The following PRLR variants were observed in gnomAD, a reference collection of about 807,000 sequenced individuals.
PRLR encodes the protein prolactin receptor, also known as hPRL receptor.
PRLR carries 13 observed loss-of-function variants against 40.2 expected under a neutral mutation model. The observed-to-expected ratio is 0.32, with a 90% confidence interval of 0.21 to 0.51. The LOEUF (loss-of-function observed/expected upper bound fraction) is 0.51, where lower values mean the gene tolerates loss of function less well. Among genes scored for constraint, PRLR ranks in the 20% least tolerant of loss-of-function variants. The probability of loss-of-function intolerance (pLI) is 0.97; values close to 1 mark genes in which losing one functional copy is unlikely to be tolerated. For synonymous variants in PRLR, 269 were observed against 278.7 expected (o/e 0.97, Z 0.35); for missense variants, 656 against 747.3 (o/e 0.88, Z 1.42).
At chr5:35,180,587 C>CAA (rs1775269546) in intron 1 of PRLR, among the ~76,000 whole-genome samples, 1 of 151,818 alleles carries the variant, frequency 6.6e-6, no homozygotes, top group Non-Finnish European at 1.5e-5. Context: ...TCTTTTCCCC[C>CAA]CTTTTTTTTT....
At chr5:35,165,854 C>T (rs1006585560) in intron 1 of PRLR, among the ~76,000 whole-genome samples, 1 of 152,148 alleles carries the variant, frequency 6.6e-6, no homozygotes, top group Non-Finnish European at 1.5e-5. Flanking sequence ...GAACTGAATT[C>T]TGCTGGTGAA....
chr5:35,205,825 T>A (rs1057342675), intron 1 of PRLR, among the ~76,000 whole-genome samples: 2 of 152,162 alleles, frequency 1.3e-5, no homozygotes, highest in East Asian at 3.9e-4. Flanking sequence ...CTAGGACATG[T>A]CATTCTGCCC....
At chr5:35,101,826 TTATA>T (rs1239412508) in intron 2 of PRLR, among the ~76,000 whole-genome samples, 1 of 147,602 alleles carries the variant, frequency 6.8e-6, no homozygotes, top group African/African-American at 2.5e-5. Context: ...GTTTTATATA[TTATA>T]TATATATATA....
intron 1 of PRLR, among the ~76,000 whole-genome samples, chr5:35,215,866 T>TAA (rs1212093418): frequency 3.4e-3 from 301 of 88,868 alleles, no homozygotes; most frequent in African/African-American, 8.9e-3. Context: ...CTGTCTCTAC[T>TAA]AAAAAAAAAA....
At chr5:35,116,391 T>C (rs1773024902) in intron 2 of PRLR, among the ~76,000 whole-genome samples, 1 of 152,164 alleles carries the variant, frequency 6.6e-6, no homozygotes, top group Non-Finnish European at 1.5e-5. Context: ...TAAAATTATA[T>C]AAAGTGAAGT....
In PRLR at chr5:35,065,216, G is replaced by T. The variant is rs144023675; in HGVS notation, c.1742C>A (p.Pro581Gln). 1.2e-6 allele frequency: 2 copies of T among 1,614,066 alleles called. No homozygotes were observed. The highest frequency in any genetic ancestry group is 1.7e-5 in the Admixed American group (1 of 60,000). ...CFEESAKEAPPSLEQNQAEKA... is the reference protein window; with the variant it reads ...CFEESAKEAPQSLEQNQAEKA... ...CTCAGCTTGATTCTGTTCAAGTGAT[G>T]GTGGGGCCTCTTTGGCTGATTCTTC... Residue 581 changes from proline to glutamine, a missense_variant, in exon 10 of 10, where the codon CCA becomes CAA. By Grantham distance (76) the Pro-to-Gln change is moderately conservative. Around this residue, in one of 3 missense-constraint regions of PRLR, gnomAD observed 469 missense variants for 491.5 expected, o/e 0.95. Coordinates refer to ENST00000618457, the MANE Select transcript of PRLR (RefSeq NM_000949.7).
intron 1 of PRLR, among the ~76,000 whole-genome samples, chr5:35,159,321 A>G (rs1228095796): frequency 1.6e-4 from 1 of 6,318 alleles, no homozygotes; most frequent in Non-Finnish European, 1.2e-3. Context: ...TCAAGATAGG[A>G]AAAAAAAAAA....
chr5:35,160,852 C>T (rs1350164652), intron 1 of PRLR, among the ~76,000 whole-genome samples: 1 of 152,154 alleles, frequency 6.6e-6, no homozygotes, highest in Non-Finnish European at 1.5e-5. Context: ...ATTTCCTAGC[C>T]ACCCCCACCT....
chr5:35,056,079 A>T lies in PRLR; in HGVS notation c.*9010T>A, dbSNP rs1768697123. The T allele has an allele frequency of 6.6e-6, 1 of 152,176 alleles. No homozygotes were observed. Among genetic ancestry groups the T allele is most frequent in the Non-Finnish European group, 1.5e-5 (1 of 68,026 alleles). The allele number at this position is 152,176 out of a possible 1,614,324, so 9.4% of individuals were successfully genotyped here. On this transcript the variant is annotated 3_prime_UTR_variant, in exon 10 of 10. Transcript: ENST00000618457. ...TTTCCTTTTCTTAAGAAAATATTTT[A>T]TCACATTCGTAAAAGTATCTGTGCT...
intron 1 of PRLR, among the ~76,000 whole-genome samples, chr5:35,153,870 G>T (rs1256497293): frequency 3.3e-5 from 5 of 151,664 alleles, no homozygotes; most frequent in African/African-American, 9.7e-5. Flanking sequence ...ATTTGGTCCT[G>T]AGAAGGATCC....
chr5:35,135,547 G>A (rs1773830587), intron 1 of PRLR: 1 of 152,480 alleles, frequency 6.6e-6, no homozygotes, highest in Non-Finnish European at 1.5e-5. Flanking sequence ...CTTATTTCTG[G>A]TCCCTGAGTT....
Position 35,141,339 on chromosome 5 carries a change from C to A in PRLR, c.-105-23217G>T, listed in dbSNP as rs62355488. On this transcript the variant is annotated intron_variant, in intron 1 of 9. Transcript: ENST00000618457. The stretch of plus-strand genomic sequence containing the variant: ...TTCTAACAGACACACTATCCTAAGG[C>A]TCAGAATTGGGAAATGCCGCATGAA... 4.6e-5 allele frequency among the ~76,000 whole-genome samples: 7 copies of A among 152,076 alleles called. No homozygotes were observed. The South Asian group carries it at 6.2e-4, about 14-fold the overall frequency.
In PRLR at chr5:35,059,281, G is replaced by T. The variant is rs912391011; in HGVS notation, c.*5808C>A. On this transcript the variant is annotated 3_prime_UTR_variant, in exon 10 of 10. Transcript: ENST00000618457. The stretch of plus-strand genomic sequence containing the variant: ...AATTAATAGACTAAGATTATCTGTG[G>T]TCTATTTATTGACCACACCTTATAA... 6.6e-6 allele frequency: 1 copy of T among 152,030 alleles called. No homozygotes were observed. The highest frequency in any genetic ancestry group is 1.5e-5 in the Non-Finnish European group (1 of 68,004). 9.4% of individuals were successfully genotyped at this position (152,030 alleles called of 1,614,324 possible).
chr5:35,136,968 G>A (rs1405505573), intron 1 of PRLR, among the ~76,000 whole-genome samples: 1 of 144,674 alleles, frequency 6.9e-6, no homozygotes, highest in East Asian at 2.0e-4. Flanking sequence ...AAAAAGCCTA[G>A]CTAATACTTT....
rs1041012713 is a variant in PRLR at position 35,198,963 on chromosome 5, CATG to C, written c.-106+31302_-106+31304del. Among the ~76,000 whole-genome samples the C allele has an allele frequency of 7.9e-5, 12 of 152,330 alleles. No individual in the cohort carries two copies. The East Asian group carries it at 2.1e-3, about 27-fold the overall frequency. ...CTTTGCTCTTAAAGGACAACCACAG[CATG>C]ATTAACAACAGCCAAGTTCAAAGGA... is the stretch of plus-strand genomic sequence containing the variant. On this transcript the variant is annotated intron_variant, in intron 1 of 9. Coordinates refer to ENST00000618457, the MANE Select transcript of PRLR (RefSeq NM_000949.7).
chr5:35,082,583 T>C lies in PRLR; in HGVS notation c.373+1887A>G, dbSNP rs73767505. On this transcript the variant is annotated intron_variant, in intron 5 of 9. Transcript: ENST00000618457. Reference sequence around the variant, plus strand: ...TGTCTCCAGTCATTGCCAAATATCCTGTGGGAAGAAAAAACAGCTCCCAGT... The same window carrying C: ...TGTCTCCAGTCATTGCCAAATATCCCGTGGGAAGAAAAAACAGCTCCCAGT... Among the ~76,000 whole-genome samples the C allele has an allele frequency of 1.7e-3, 253 of 152,262 alleles. 1 individual carries two copies. The highest frequency in any genetic ancestry group is 5.9e-3 in the African/African-American group (245 of 41,554).
chr5:35,164,485 G>A (rs1375593791), intron 1 of PRLR, among the ~76,000 whole-genome samples: 1 of 152,082 alleles, frequency 6.6e-6, no homozygotes, highest in African/African-American at 2.4e-5. Context: ...AAAATAGCAA[G>A]CACAAAAAGT....
intron 2 of PRLR, 64 bp from the exon 3 acceptor site, chr5:35,089,727 T>G: frequency 2.1e-6 from 2 of 957,802 alleles, no homozygotes; most frequent in Non-Finnish European, 3.3e-6. Flanking sequence ...ATCCACCACT[T>G]TATTCTGGGT....
Position 35,060,835 on chromosome 5 carries a change from G to T in PRLR, c.*4254C>A, listed in dbSNP as rs1361617731. On this transcript the variant is annotated 3_prime_UTR_variant, in exon 10 of 10. Transcript: ENST00000618457. ...TACAAAGTTCCAATGTGCATGCATT[G>T]TTCTCTTCAGGTTTAGGCATGTAAG... 6.6e-6 allele frequency: 1 copy of T among 152,148 alleles called. No homozygotes were observed. The highest frequency in any genetic ancestry group is 1.5e-5 in the Non-Finnish European group (1 of 68,024). 9.4% of individuals were successfully genotyped at this position (152,148 alleles called of 1,614,324 possible). A position where few individuals can be genotyped will look rare whatever the true frequency, so the allele number is the denominator to read the frequency against.
Sources: gnomAD v4.1 joint callset for allele counts (sites outside exome capture counted in the v4.1 genomes callset) on GRCh38, gnomAD v4.1.1 for gene constraint, gnomAD v4.1.1 regional missense constraint, MANE v1.5 for transcripts, NCBI Gene and HGNC (gene_info 2026-07-23, HGNC 2026-07-21) for gene names.